The following KIAA1217 variants were observed in gnomAD, a reference collection of about 807,000 sequenced individuals.
The protein encoded by KIAA1217 is sickle tail protein homolog.
Under a neutral mutation model 163.9 loss-of-function variants are expected in KIAA1217, and 88 were observed. The ratio of observed to expected loss-of-function variants is 0.54; its 90% confidence interval spans 0.45 to 0.64. The LOEUF (loss-of-function observed/expected upper bound fraction) is 0.64. Ranked by LOEUF, KIAA1217 falls within the 30% of genes least tolerant of loss-of-function variation. The pLI is 0.00. For missense variants in KIAA1217, 2,372 were observed against 2,475.0 expected, an observed-to-expected ratio of 0.96 and a Z score of 0.88; for synonymous variants, 903 against 923.1, an observed-to-expected ratio of 0.98 and a Z score of 0.39.
In KIAA1217 at chr10:24,070,914, A is replaced by G. The variant is rs78089168; in HGVS notation, c.-171+63540A>G. Among the ~76,000 whole-genome samples the G allele has an allele frequency of 3.9e-4, 60 of 152,304 alleles. 2 individuals carry two copies. The East Asian group carries it at 0.011, about 29-fold the overall frequency. On this transcript the variant is annotated intron_variant, in intron 2 of 18. Transcript: ENST00000376462. ...TAAAAGCTTGTCTCTGTGGGATGCA[A>G]TGAGTATTCAAGTTGGTTGGGTGAC...
intron 2 of KIAA1217, among the ~76,000 whole-genome samples, chr10:24,041,703 T>C (rs1408210823): frequency 6.6e-6 from 1 of 152,204 alleles, no homozygotes; most frequent in Non-Finnish European, 1.5e-5. Context: ...GAAGTAATTA[T>C]GTAAGGTGGG....
intron 1 of KIAA1217, among the ~76,000 whole-genome samples, chr10:23,697,511 C>G (rs982557937): frequency 1.3e-5 from 2 of 151,974 alleles, no homozygotes; most frequent in South Asian, 4.2e-4. Flanking sequence ...TCCCCCTCCA[C>G]CCCCTGCCAA....
chr10:23,883,328 T>C (rs989773978), intron 1 of KIAA1217, among the ~76,000 whole-genome samples: 2 of 151,962 alleles, frequency 1.3e-5, no homozygotes, highest in African/African-American at 4.8e-5. Flanking sequence ...AACATTTAAA[T>C]GTGTAGAATA....
chr10:23,888,390 C>G (rs1003704155), intron 1 of KIAA1217, among the ~76,000 whole-genome samples: 1 of 151,892 alleles, frequency 6.6e-6, no homozygotes, highest in African/African-American at 2.4e-5. Flanking sequence ...TTGTCTCTTT[C>G]TAGGGAGAAG....
At chr10:23,899,634 T>C (rs559395907) in intron 1 of KIAA1217, among the ~76,000 whole-genome samples, 273 of 152,210 alleles carry the variant, frequency 1.8e-3, no homozygotes, top group Non-Finnish European at 2.7e-3. Flanking sequence ...CCCTCAAATC[T>C]TGTGGTCAAC....
intron 1 of KIAA1217, among the ~76,000 whole-genome samples, chr10:23,749,501 A>G (rs1028440811): frequency 2.0e-5 from 3 of 151,840 alleles, no homozygotes; most frequent in Admixed American, 6.6e-5. Context: ...TCCGCCTCCT[A>G]GGTTCAAGTG....
At chr10:24,533,037 T>G in intron 15 of KIAA1217, 33 bp from the exon 16 acceptor site, 1 of 1,581,930 alleles carries the variant, frequency 6.3e-7, no homozygotes, top group Non-Finnish European at 8.6e-7. Context: ...TAGGAGATGT[T>G]AAACCACTAT....
At chr10:23,745,309 T>C (rs2130819615) in intron 1 of KIAA1217, among the ~76,000 whole-genome samples, 1 of 152,342 alleles carries the variant, frequency 6.6e-6, no homozygotes, top group East Asian at 1.9e-4. Flanking sequence ...TGAGTTCAAT[T>C]ATTTGAAAGC....
chr10:24,308,612 A>C (rs761406342), intron 2 of KIAA1217, among the ~76,000 whole-genome samples: 2 of 152,188 alleles, frequency 1.3e-5, no homozygotes, highest in African/African-American at 4.8e-5. Flanking sequence ...GAACAAAGCC[A>C]TTGAATCCAG....
At chr10:23,699,121 C>T (rs1836242094) in intron 1 of KIAA1217, among the ~76,000 whole-genome samples, 1 of 152,228 alleles carries the variant, frequency 6.6e-6, no homozygotes, top group Non-Finnish European at 1.5e-5. Flanking sequence ...CATGCCAACC[C>T]CCTACTTTCA....
At chr10:23,769,015 G>A (rs1834673631) in intron 1 of KIAA1217, among the ~76,000 whole-genome samples, 1 of 152,182 alleles carries the variant, frequency 6.6e-6, no homozygotes, top group African/African-American at 2.4e-5. Context: ...CTGCTGCCTA[G>A]ACAGAGACAA....
chr10:24,315,560 A>G (rs535505112), intron 2 of KIAA1217, among the ~76,000 whole-genome samples: 2 of 152,244 alleles, frequency 1.3e-5, no homozygotes, highest in East Asian at 3.9e-4. Context: ...TCCCGTTGCT[A>G]GGTTCTGAGC....
At chr10:24,161,110 A>C (rs2131885637) in intron 2 of KIAA1217, among the ~76,000 whole-genome samples, 1 of 152,310 alleles carries the variant, frequency 6.6e-6, no homozygotes, top group Admixed American at 6.5e-5. Context: ...CTCCCTAAAG[A>C]AACAGCTATA....
intron 2 of KIAA1217, among the ~76,000 whole-genome samples, chr10:24,045,330 G>T (rs1049656949): frequency 1.3e-5 from 2 of 151,904 alleles, no homozygotes; most frequent in Non-Finnish European, 2.9e-5. Flanking sequence ...AAAAGTATAG[G>T]TGTTTTATTC....
chr10:24,039,050 T>C (rs1848515933), intron 2 of KIAA1217, among the ~76,000 whole-genome samples: 1 of 152,142 alleles, frequency 6.6e-6, no homozygotes, highest in East Asian at 1.9e-4. Context: ...AGCTGAAAAT[T>C]GTTGTTGTAA....
At chr10:24,196,475 A>G (rs2066994588) in intron 2 of KIAA1217, among the ~76,000 whole-genome samples, 1 of 152,244 alleles carries the variant, frequency 6.6e-6, no homozygotes, top group Non-Finnish European at 1.5e-5. Context: ...AAATATTACT[A>G]TGATTCCTGA....
intron 1 of KIAA1217, among the ~76,000 whole-genome samples, chr10:23,709,390 C>T (rs956351993): frequency 1.4e-4 from 22 of 151,850 alleles, no homozygotes; most frequent in African/African-American, 3.6e-4. Flanking sequence ...TAGCCAGGCA[C>T]GGTGGTTACA....
At chr10:24,376,273 C>T (rs1230228419) in intron 2 of KIAA1217, among the ~76,000 whole-genome samples, 2 of 152,150 alleles carry the variant, frequency 1.3e-5, no homozygotes, top group Non-Finnish European at 1.5e-5. Flanking sequence ...AACTGTTTTT[C>T]TGGATGACAT....
intron 1 of KIAA1217, among the ~76,000 whole-genome samples, chr10:23,877,963 A>G (rs1160099413): frequency 6.6e-6 from 1 of 151,946 alleles, no homozygotes; most frequent in Non-Finnish European, 1.5e-5. Flanking sequence ...CCACAGAATC[A>G]GGATTGCCCG....
Sources: allele counts gnomAD v4.1 joint callset (sites outside exome capture counted in the v4.1 genomes callset), GRCh38; gene constraint gnomAD v4.1.1; transcripts MANE v1.5; gene names NCBI Gene and HGNC (gene_info 2026-07-23, HGNC 2026-07-21).